The following FAT3 variants were observed in gnomAD, a reference collection of about 807,000 sequenced individuals.
The protein encoded by FAT3 is FAT atypical cadherin 3, also known as protocadherin Fat 3.
A neutral mutation model predicts 310.2 loss-of-function variants in FAT3; 95 were observed. The observed-to-expected ratio is 0.31, with a 90% CI of 0.26 to 0.36. FAT3 has a LOEUF of 0.36. Among genes scored for constraint, FAT3 ranks in the 10% least tolerant of loss-of-function variants. FAT3 has a pLI of 1.00. For missense variants in FAT3, 5,408 were observed against 5,715.6 expected, an observed-to-expected ratio of 0.95 and a Z score of 1.74; for synonymous variants, 2,314 against 2,192.9, an observed-to-expected ratio of 1.06 and a Z score of -1.54.
At chr11:92,307,786 T>C in intron 1 of FAT3, among the ~76,000 whole-genome samples, 1 of 152,268 alleles carries the variant, frequency 6.6e-6, no homozygotes, top group Admixed American at 6.5e-5. Flanking sequence ...CTGTCACTTA[T>C]TAATTTTATT....
intron 1 of FAT3, among the ~76,000 whole-genome samples, chr11:92,239,347 A>G (rs1275703340): frequency 2.0e-5 from 3 of 152,164 alleles, no homozygotes; most frequent in South Asian, 2.1e-4. Context: ...TACCCCTTCA[A>G]ACATCTGCAC....
At chr11:92,701,784 T>A (rs147607981) in intron 4 of FAT3, among the ~76,000 whole-genome samples, 1 of 152,348 alleles carries the variant, frequency 6.6e-6, no homozygotes, top group Non-Finnish European at 1.5e-5. Context: ...TCTGATTACT[T>A]CATTATCAGA....
At chr11:92,646,157 T>A (rs1005971880) in intron 3 of FAT3, among the ~76,000 whole-genome samples, 1 of 152,120 alleles carries the variant, frequency 6.6e-6, no homozygotes, top group Admixed American at 6.5e-5. Flanking sequence ...TTGATGGAGG[T>A]CACTTGGTGG....
At chr11:92,361,817 G>A (rs1049761284) in intron 2 of FAT3, among the ~76,000 whole-genome samples, 1 of 152,192 alleles carries the variant, frequency 6.6e-6, no homozygotes, top group African/African-American at 2.4e-5. Flanking sequence ...TACATTAATC[G>A]AGCACTGCCT....
chr11:92,405,116 A>G (rs573356341), intron 2 of FAT3, among the ~76,000 whole-genome samples: 5 of 152,146 alleles, frequency 3.3e-5, no homozygotes, highest in African/African-American at 1.2e-4. Context: ...TTTTCTGAAT[A>G]ACACTGATTA....
chr11:92,894,703 C>T lies in FAT3; in HGVS notation c.*3590C>T, dbSNP rs989904073. Reference sequence around the variant, plus strand: ...CTGCATTCTAGTCTATGCCAGCTTTCCATGTACCCTTGGCCTGCCTATTCA... The same window carrying T: ...CTGCATTCTAGTCTATGCCAGCTTTTCATGTACCCTTGGCCTGCCTATTCA... On this transcript the variant is annotated 3_prime_UTR_variant, in exon 28 of 28. Transcript: ENST00000525166. 6.6e-6 allele frequency: 1 copy of T among 152,182 alleles called. No individual in the cohort carries two copies. Among genetic ancestry groups the T allele is most frequent in the Admixed American group, 6.5e-5 (1 of 15,286 alleles). The allele number at this position is 152,182 out of a possible 1,614,324, so 9.4% of individuals were successfully genotyped here. A position where few individuals can be genotyped will look rare whatever the true frequency, so the allele number is the denominator to read the frequency against.
intron 2 of FAT3, among the ~76,000 whole-genome samples, chr11:92,476,112 G>A (rs1952046337): frequency 6.6e-6 from 1 of 151,914 alleles, no homozygotes; most frequent in Admixed American, 6.6e-5. Flanking sequence ...TGTGTGCAGG[G>A]GAAGGGAGAG....
At chr11:92,446,412 C>G (rs1011042985) in intron 2 of FAT3, among the ~76,000 whole-genome samples, 1 of 152,164 alleles carries the variant, frequency 6.6e-6, no homozygotes, top group Non-Finnish European at 1.5e-5. Context: ...ACAATTATTA[C>G]TCTCTGCTGA....
chr11:92,415,004 C>T (rs997388893), intron 2 of FAT3, among the ~76,000 whole-genome samples: 5 of 46,696 alleles, frequency 1.1e-4, no homozygotes, highest in Admixed American at 2.7e-4. Context: ...TGCAAGATTT[C>T]GTCAAAAAAA....
intron 4 of FAT3, among the ~76,000 whole-genome samples, chr11:92,716,515 T>C (rs530572852): frequency 6.6e-6 from 1 of 152,200 alleles, no homozygotes; most frequent in African/African-American, 2.4e-5. Context: ...ATTATCTTTT[T>C]ACTTTTACAG....
intron 3 of FAT3, among the ~76,000 whole-genome samples, chr11:92,663,431 A>G (rs150361828): frequency 3.3e-4 from 50 of 152,280 alleles, no homozygotes; most frequent in Middle Eastern, 3.4e-3. Flanking sequence ...TAGGGAGAGT[A>G]TAGTTGCTGA....
At chr11:92,243,095 T>C (rs7129233) in intron 1 of FAT3, among the ~76,000 whole-genome samples, 5,843 of 152,064 alleles carry the variant, frequency 0.038, 414 homozygotes, top group African/African-American at 0.13. Context: ...AATGTAAAAT[T>C]GGGTAATAGT....
At chr11:92,252,252 C>T (rs1865167524) in intron 1 of FAT3, among the ~76,000 whole-genome samples, 1 of 152,158 alleles carries the variant, frequency 6.6e-6, no homozygotes, top group African/African-American at 2.4e-5. Flanking sequence ...GCAACTTTGC[C>T]TAACACTAGC....
chr11:92,609,947 C>T (rs191846772), intron 3 of FAT3, among the ~76,000 whole-genome samples: 192 of 152,190 alleles, frequency 1.3e-3, no homozygotes, highest in African/African-American at 3.8e-3. Context: ...TTTGAAACTT[C>T]GTCAATAATT....
At chr11:92,312,597 C>A (rs1176692221) in intron 1 of FAT3, among the ~76,000 whole-genome samples, 1 of 152,168 alleles carries the variant, frequency 6.6e-6, no homozygotes, top group Non-Finnish European at 1.5e-5. Context: ...TCCTAGGGCT[C>A]TCACAAACCT....
intron 3 of FAT3, among the ~76,000 whole-genome samples, chr11:92,570,428 A>G (rs1217245883): frequency 6.6e-6 from 1 of 152,168 alleles, no homozygotes; most frequent in African/African-American, 2.4e-5. Context: ...TGTCACCTTG[A>G]GAAATGTTCA....
intron 3 of FAT3, among the ~76,000 whole-genome samples, chr11:92,544,273 T>G (rs955116526): frequency 2.6e-5 from 4 of 152,134 alleles, no homozygotes; most frequent in Non-Finnish European, 4.4e-5. Context: ...TGCACTTAGA[T>G]AGAAGAAATA....
chr11:92,527,665 C>T (rs1953913990), intron 3 of FAT3, among the ~76,000 whole-genome samples: 1 of 152,166 alleles, frequency 6.6e-6, no homozygotes, highest in Non-Finnish European at 1.5e-5. Context: ...TATCATGCTG[C>T]CTAGGGGGCA....
In FAT3 at chr11:92,800,807, C is replaced by T. The variant is rs1024428895; in HGVS notation, c.7794C>T (p.Pro2598=). ...TTGTGGATGAAAATGACAATGCTCC[C>T]CAGTTCATGACAGTGGAATATAGAG... ...VIVVDENDNA[P]QFMTVEYRAS... is the part of the protein sequence containing the mutation. Residue 2598 remains proline, a synonymous_variant, in exon 10 of 28, where the codon CCC becomes CCT. Transcript: ENST00000525166. 2 of 1,613,684 alleles carry T rather than the reference C, an allele frequency of 1.2e-6. No homozygotes were observed. Among genetic ancestry groups the T allele is most frequent in the Non-Finnish European group, 1.7e-6 (2 of 1,179,864 alleles).
Sources: allele counts gnomAD v4.1 joint callset (sites outside exome capture counted in the v4.1 genomes callset), GRCh38; gene constraint gnomAD v4.1.1; transcripts MANE v1.5; gene names NCBI Gene and HGNC (gene_info 2026-07-23, HGNC 2026-07-21).